The following URB1 variants were observed in gnomAD, a reference collection of about 807,000 sequenced individuals.
URB1 encodes the protein nucleolar pre-ribosomal-associated protein 1.
In URB1, 197 loss-of-function variants were observed where a neutral mutation model predicts 242.3. The observed-to-expected ratio is 0.81, with a 90% CI of 0.72 to 0.91. URB1 has a LOEUF of 0.91. Ranked by LOEUF, URB1 falls within the 40% of genes least tolerant of loss-of-function variation. The pLI is 0.00. For missense variants in URB1, 2,721 were observed against 2,860.5 expected, an observed-to-expected ratio of 0.95 and a Z score of 1.11; for synonymous variants, 1,153 against 1,201.8, an observed-to-expected ratio of 0.96 and a Z score of 0.84.
At chr21:32,358,924 C>T (rs937211718) in intron 14 of URB1, among the ~76,000 whole-genome samples, 6 of 152,108 alleles carry the variant, frequency 3.9e-5, no homozygotes, top group African/African-American at 7.2e-5. Context: ...CTTTAAGTAA[C>T]GTGAAACGAG....
At position 32,311,404 on chromosome 21, in the gene URB1, CTCCA is replaced by C; in HGVS notation, c.*3510_*3513del. The C allele has an allele frequency of 2.3e-6, 1 of 440,376 alleles. No individual in the cohort carries two copies. 27.3% of individuals were successfully genotyped at this position (440,376 alleles called of 1,614,324 possible). ...CTGGATGGGAGGTCAACCTGCTCCC[CTCCA>C]CCCCCCACCCCCCCCATCCTAAATC... On this transcript the variant is annotated 3_prime_UTR_variant, in exon 39 of 39. Transcript: ENST00000382751.
At chr21:32,363,037 G>C in intron 11 of URB1, 119 bp downstream of exon 11, 1 of 1,315,550 alleles carries the variant, frequency 7.6e-7, no homozygotes, top group Non-Finnish European at 1.0e-6. Flanking sequence ...CTGCCCACCG[G>C]CCTGTCCAAC....
intron 22 of URB1, among the ~76,000 whole-genome samples, chr21:32,346,274 G>A (rs1225876275): frequency 1.3e-5 from 2 of 152,162 alleles, no homozygotes. Flanking sequence ...GCCTGCAGAC[G>A]CATGGGCCAA....
At chr21:32,328,084 G>A (rs996181092) in intron 30 of URB1, among the ~76,000 whole-genome samples, 1 of 152,224 alleles carries the variant, frequency 6.6e-6, no homozygotes, top group African/African-American at 2.4e-5. Flanking sequence ...GATGAAAAGA[G>A]CATAGTCAGA....
chr21:32,358,651 A>G (rs1450561922), intron 14 of URB1, among the ~76,000 whole-genome samples: 1 of 152,098 alleles, frequency 6.6e-6, no homozygotes, highest in Admixed American at 6.5e-5. Context: ...ATAAATTCAC[A>G]CCAGCTCTTT....
Position 32,385,582 on chromosome 21 carries a change from A to C in URB1, c.245T>G (p.Phe82Cys), listed in dbSNP as rs920748120. 2 of 1,552,140 alleles carry C rather than the reference A, an allele frequency of 1.3e-6. No homozygotes were observed. Among genetic ancestry groups the C allele is most frequent in the Non-Finnish European group, 1.7e-6 (2 of 1,147,086 alleles). ...IKISVECVEIFQLLSGEKRPE... is the reference protein window; with the variant it reads ...IKISVECVEICQLLSGEKRPE... ...TCGTTTCTCTCCACTTAGGAGCTGG[A>C]AAATTTCGACACACTCAACAGAAAT... Residue 82 changes from phenylalanine to cysteine, a missense_variant, in exon 2 of 39, where the codon TTC becomes TGC. Transcript: ENST00000382751.
chr21:32,349,242 G>C, intron 21 of URB1, 62 bp downstream of exon 21: 10 of 1,444,812 alleles, frequency 6.9e-6, no homozygotes, highest in Non-Finnish European at 9.1e-6. Flanking sequence ...TTAATCAGAA[G>C]TGAAGAGAAA....
Position 32,352,865 on chromosome 21 carries a change from G to A in URB1, c.2458C>T (p.Leu820Phe). 6.4e-7 allele frequency: 1 copy of A among 1,551,476 alleles called. No individual in the cohort carries two copies. Among genetic ancestry groups the A allele is most frequent in the South Asian group, 1.2e-5 (1 of 84,042 alleles). ...AGGGGGTCCCTCTGGGTGTGGAGGA[G>A]GTCAGTCAGCACTGCCGTCAGATAT... The part of the protein sequence containing the change: ...VTYLTAVLTD[L>F]LHTQRDPLAL... The change falls in exon 19 of 39, where the codon CTC becomes TTC. Residue 820 changes from leucine to phenylalanine, a missense_variant. Leu to Phe is a conservative substitution (Grantham distance 22). Coordinates refer to ENST00000382751, the MANE Select transcript of URB1 (RefSeq NM_014825.3).
chr21:32,329,209 T>C (rs1179586258), intron 30 of URB1, among the ~76,000 whole-genome samples: 1 of 152,066 alleles, frequency 6.6e-6, no homozygotes, highest in Non-Finnish European at 1.5e-5. Flanking sequence ...GGGTATACAG[T>C]GAGCCATGAT....
At position 32,347,562 on chromosome 21, in the gene URB1, G is replaced by T. The variant is rs770497547; in HGVS notation, c.3262C>A (p.Gln1088Lys). 87 of 1,551,240 alleles carry T rather than the reference G, an allele frequency of 5.6e-5. No homozygotes were observed. In the South Asian group the frequency reaches 9.4e-4, roughly 17 times the overall value. The change falls in exon 22 of 39, where the codon CAG (glutamine) becomes AAG (lysine). Residue 1088 changes from glutamine to lysine, a missense_variant. By Grantham distance (53) the Gln-to-Lys change is moderately conservative (BLOSUM62 1). Coordinates refer to ENST00000382751, the MANE Select transcript of URB1 (RefSeq NM_014825.3). ...GTGGCCGGGCCCGCCCTCCTGTTCT[G>T]AAGTTCCTTCAGCACACTCTGGGTG... ...AITQSVLKEL[Q>K]NRRAGPATSP...
At chr21:32,328,235 G>A (rs2032853072) in intron 30 of URB1, among the ~76,000 whole-genome samples, 1 of 152,192 alleles carries the variant, frequency 6.6e-6, no homozygotes, top group African/African-American at 2.4e-5. Flanking sequence ...CCTTACGGGT[G>A]CAAGCGATTC....
Position 32,312,115 on chromosome 21 carries a change from G to A in URB1, c.*2803C>T, listed in dbSNP as rs1021137162. 3.7e-5 allele frequency: 58 copies of A among 1,564,250 alleles called. No individual in the cohort carries two copies. The African/African-American group carries it at 7.5e-4, about 20-fold the overall frequency. Reference sequence around the variant, plus strand: ...GTAGCAGAAAGGGCACCTAGGTCAAGTGCAACTAGAGCAGGAGCATCCTAT... The same window carrying A: ...GTAGCAGAAAGGGCACCTAGGTCAAATGCAACTAGAGCAGGAGCATCCTAT... On this transcript the variant is annotated 3_prime_UTR_variant, in exon 39 of 39. Transcript: ENST00000382751.
Position 32,314,264 on chromosome 21 carries a change from AG to A in URB1, c.*653del, listed in dbSNP as rs2032642020. On this transcript the variant is annotated 3_prime_UTR_variant, in exon 39 of 39. Coordinates refer to ENST00000382751, the MANE Select transcript of URB1 (RefSeq NM_014825.3). ...CAATGGCACGATCTCAGCTCACTGTAGCCTCCACCTCCCAGGTTCAAGCGAT... is the reference window on the plus strand; with the variant it reads ...CAATGGCACGATCTCAGCTCACTGTACCTCCACCTCCCAGGTTCAAGCGAT... 2.7e-6 allele frequency: 1 copy of A among 371,636 alleles called. No individual in the cohort carries two copies. Among genetic ancestry groups the A allele is most frequent in the Admixed American group, 3.8e-5 (1 of 26,288 alleles). The allele number at this position is 371,636 out of a possible 1,614,324, so 23.0% of individuals were successfully genotyped here. A position where few individuals can be genotyped will look rare whatever the true frequency, so the allele number is the denominator to read the frequency against.
chr21:32,351,674 C>A (rs977776895), intron 19 of URB1, among the ~76,000 whole-genome samples: 1 of 152,110 alleles, frequency 6.6e-6, no homozygotes, highest in African/African-American at 2.4e-5. Flanking sequence ...TGGGGAATTC[C>A]GACACACCCT....
intron 9 of URB1, 69 bp from the exon 10 acceptor site, chr21:32,366,824 C>T (rs1389339772): frequency 2.7e-6 from 4 of 1,493,794 alleles, no homozygotes; most frequent in African/African-American, 1.4e-5. Context: ...TAGCTGTAGG[C>T]ACCCAAAGGT....
intron 10 of URB1, among the ~76,000 whole-genome samples, chr21:32,363,678 T>C (rs1183807752): frequency 6.6e-6 from 1 of 152,230 alleles, no homozygotes; most frequent in Non-Finnish European, 1.5e-5. Context: ...TATTTTTTTT[T>C]TGAGTCAGGG....
chr21:32,392,889 C>T lies in URB1; in HGVS notation c.22G>A (p.Ala8Thr), dbSNP rs2033656351. 3 of 1,528,496 alleles carry T rather than the reference C, an allele frequency of 2.0e-6. No homozygotes were observed. Among genetic ancestry groups the T allele is most frequent in the Non-Finnish European group, 1.7e-6 (2 of 1,143,200 alleles). The allele number at this position is 1,528,496 out of a possible 1,614,324, so 94.7% of individuals were successfully genotyped here. The change falls in exon 1 of 39, where the codon GCC becomes ACC. Residue 8 changes from alanine to threonine, a missense_variant. Transcript: ENST00000382751. The part of the protein sequence containing the change: MGVPKRK[A>T]SGGQDGAASS... ...GCCGCGCCGTCCTGGCCGCCCGAGG[C>T]CTTCCTCTTGGGGACCCCCATGGCC...
chr21:32,372,758 C>A, intron 7 of URB1, 127 bp from the exon 8 acceptor site: 1 of 1,061,434 alleles, frequency 9.4e-7, no homozygotes. Context: ...TACTTGGTGT[C>A]ATTCCAAACA....
intron 1 of URB1, among the ~76,000 whole-genome samples, chr21:32,391,232 G>A (rs28433108): frequency 2.0e-5 from 3 of 147,790 alleles, no homozygotes; most frequent in Non-Finnish European, 3.0e-5. Flanking sequence ...TCGGGGGGAG[G>A]GGGGAGGGAC....
Sources: allele counts gnomAD v4.1 joint callset (sites outside exome capture counted in the v4.1 genomes callset), GRCh38; gene constraint gnomAD v4.1.1; transcripts MANE v1.5; gene names NCBI Gene and HGNC (gene_info 2026-07-23, HGNC 2026-07-21).